The following HDAC9 variants were observed in gnomAD, a reference collection of about 807,000 sequenced individuals.
HDAC9 encodes the protein histone deacetylase 9, also known as MEF-2 interacting transcription repressor (MITR) protein.
HDAC9 carries 41 observed loss-of-function variants against 139.4 expected under a neutral mutation model. The observed-to-expected ratio is 0.29, with a 90% confidence interval of 0.23 to 0.38. The LOEUF (loss-of-function observed/expected upper bound fraction) is 0.38. Among genes scored for constraint, HDAC9 ranks in the 10% least tolerant of loss-of-function variants. The probability of loss-of-function intolerance (pLI) is 1.00; values close to 1 mark genes in which losing one functional copy is unlikely to be tolerated. For missense variants in HDAC9, 1,147 were observed against 1,297.0 expected (o/e 0.88, Z 1.78); for synonymous variants, 517 against 476.2 (o/e 1.09, Z -1.12).
At chr7:18,419,111 A>C (rs1427488) in intron 1 of HDAC9, among the ~76,000 whole-genome samples, 148,344 of 152,272 alleles carry the variant, frequency 0.97, 72,384 homozygotes, top group East Asian at 1. Flanking sequence ...TTAATACTTA[A>C]AAGCACTATT....
chr7:18,436,487 T>C (rs888776167), intron 1 of HDAC9, among the ~76,000 whole-genome samples: 12 of 152,232 alleles, frequency 7.9e-5, no homozygotes, highest in African/African-American at 2.7e-4. Context: ...TAATTTCTGA[T>C]AGACTGATCT....
Position 18,260,311 on chromosome 7 carries a change from G to GT in HDAC9, c.25+97973dup, listed in dbSNP as rs1356981975. On this transcript the variant is annotated intron_variant, in intron 2 of 12. Transcript: ENST00000417496. ...AATTCTGTGACAGACACTTTTTTTT[G>GT]TTTTTTTTTTTGTTTTTTTTTTTTT... 5.7e-3 allele frequency among the ~76,000 whole-genome samples: 312 copies of GT among 54,954 alleles called. 2 individuals are homozygous for GT. The highest frequency in any genetic ancestry group is 9.6e-3 in the Admixed American group (33 of 3,444). The allele number at this position is 54,954 out of a possible 152,430, so 36.1% of individuals were successfully genotyped here.
chr7:18,869,899 T>C (rs886173086), intron 21 of HDAC9, among the ~76,000 whole-genome samples: 3 of 141,784 alleles, frequency 2.1e-5, no homozygotes, highest in Non-Finnish European at 4.6e-5. Flanking sequence ...TTTTTTTTTT[T>C]AGTGTGCTTC....
At chr7:18,701,330 A>C (rs1783456123) in intron 12 of HDAC9, among the ~76,000 whole-genome samples, 2 of 151,814 alleles carry the variant, frequency 1.3e-5, no homozygotes, top group South Asian at 2.1e-4. Flanking sequence ...GTAATCTGAC[A>C]TGCCAAAAAG....
chr7:18,141,225 T>TA (rs1785877179), intron 1 of HDAC9, among the ~76,000 whole-genome samples: 1 of 152,242 alleles, frequency 6.6e-6, no homozygotes, highest in South Asian at 2.1e-4. Context: ...TTATGTTCCT[T>TA]AAAAAGCACT....
At chr7:18,319,075 G>A (rs749679685) in intron 1 of HDAC9, among the ~76,000 whole-genome samples, 14 of 152,292 alleles carry the variant, frequency 9.2e-5, no homozygotes, top group Non-Finnish European at 1.6e-4. Context: ...GTTTGTTAGC[G>A]TAGTAGCATT....
Position 18,996,148 on chromosome 7 carries a change from C to A in HDAC9, c.*86C>A. The stretch of plus-strand genomic sequence containing the variant: ...AGTACCCTCAGACATGTCTTGTCTG[C>A]TGCCTGGGTGGCACAGATTCAATGG... On this transcript the variant is annotated 3_prime_UTR_variant, in exon 26 of 26. Coordinates refer to ENST00000686413, the MANE Select transcript of HDAC9 (RefSeq NM_178425.4). 1.0e-6 allele frequency: 1 copy of A among 963,630 alleles called. No individual in the cohort carries two copies. The highest frequency in any genetic ancestry group is 2.6e-5 in the East Asian group (1 of 38,142). The allele number at this position is 963,630 out of a possible 1,614,324, so 59.7% of individuals were successfully genotyped here.
At chr7:18,583,914 C>T (rs1214182251) in intron 2 of HDAC9, among the ~76,000 whole-genome samples, 1 of 152,120 alleles carries the variant, frequency 6.6e-6, no homozygotes, top group Non-Finnish European at 1.5e-5. Context: ...GCCACAGTTT[C>T]CCCTCCAAAA....
At chr7:18,732,491 G>T (rs148252795) in intron 13 of HDAC9, among the ~76,000 whole-genome samples, 2,603 of 150,052 alleles carry the variant, frequency 0.017, 34 homozygotes, top group Non-Finnish European at 0.027. Flanking sequence ...GTATATATGT[G>T]TATATATGTG....
intron 21 of HDAC9, among the ~76,000 whole-genome samples, chr7:18,844,623 C>A (rs1796792276): frequency 6.6e-6 from 1 of 152,072 alleles, no homozygotes. Context: ...GCTGGAGTTA[C>A]CGAAATGGAC....
Position 18,882,645 on chromosome 7 carries a change from C to CAA in HDAC9, c.2803+8061_2803+8062dup, listed in dbSNP as rs11394184. On this transcript the variant is annotated intron_variant, in intron 22 of 25. Transcript: ENST00000686413. The stretch of plus-strand genomic sequence containing the variant: ...TAATCAAGTTAGTTTCCTAATCAGC[C>CAA]AAAAAAAAAAAAAGTGGGTGGGGAA... Among the ~76,000 whole-genome samples, 891 of 128,004 alleles carry CAA rather than the reference C, an allele frequency of 7.0e-3. 8 individuals carry two copies. Among genetic ancestry groups the CAA allele is most frequent in the African/African-American group, 0.023 (834 of 35,570 alleles). 84.0% of individuals were successfully genotyped at this position (128,004 alleles called of 152,430 possible). A position where few individuals can be genotyped will look rare whatever the true frequency, so the allele number is the denominator to read the frequency against.
intron 1 of HDAC9, among the ~76,000 whole-genome samples, chr7:18,299,688 G>T (rs1052260956): frequency 6.6e-6 from 1 of 152,158 alleles, no homozygotes; most frequent in African/African-American, 2.4e-5. Context: ...AAACAGGTTG[G>T]TGCTGGCTCA....
intron 15 of HDAC9, 120 bp downstream of exon 15, chr7:18,762,397 C>A: frequency 8.9e-7 from 1 of 1,123,794 alleles, no homozygotes; most frequent in Non-Finnish European, 1.3e-6. Context: ...TTTCCAACAG[C>A]TTTGCTCTGT....
chr7:18,979,423 T>G (rs1194854226), intron 25 of HDAC9, among the ~76,000 whole-genome samples: 1 of 152,230 alleles, frequency 6.6e-6, no homozygotes, highest in Non-Finnish European at 1.5e-5. Context: ...CTCCAAAGGC[T>G]TCTAGAAGCT....
At chr7:18,584,769 T>C (rs778289945) in intron 2 of HDAC9, among the ~76,000 whole-genome samples, 7 of 152,220 alleles carry the variant, frequency 4.6e-5, no homozygotes, top group Non-Finnish European at 8.8e-5. Context: ...TATTCTGTCT[T>C]TGGTACATCC....
intron 12 of HDAC9, among the ~76,000 whole-genome samples, chr7:18,682,081 C>G (rs945797494): frequency 6.6e-6 from 1 of 151,970 alleles, no homozygotes; most frequent in Non-Finnish European, 1.5e-5. Flanking sequence ...AATTTAAATT[C>G]TCTTTACCAA....
intron 17 of HDAC9, among the ~76,000 whole-genome samples, chr7:18,817,180 G>A (rs1315928794): frequency 2.0e-5 from 3 of 151,844 alleles, no homozygotes; most frequent in East Asian, 1.9e-4. Context: ...GACTACAGGC[G>A]CCCGCCACCA....
At chr7:18,796,021 C>A (rs999504175) in intron 17 of HDAC9, among the ~76,000 whole-genome samples, 1 of 152,166 alleles carries the variant, frequency 6.6e-6, no homozygotes, top group Non-Finnish European at 1.5e-5. Context: ...CATCTACATT[C>A]AGTTCTCACA....
chr7:18,186,165 C>A (rs2128145043), intron 2 of HDAC9, among the ~76,000 whole-genome samples: 1 of 152,334 alleles, frequency 6.6e-6, no homozygotes, highest in Non-Finnish European at 1.5e-5. Flanking sequence ...TTGTTATCGA[C>A]TGGGCCAGGA....
Sources: gnomAD v4.1 joint callset for allele counts (sites outside exome capture counted in the v4.1 genomes callset) on GRCh38, gnomAD v4.1.1 for gene constraint, MANE v1.5 for transcripts, NCBI Gene and HGNC (gene_info 2026-07-23, HGNC 2026-07-21) for gene names.